The following LANCL1 variants were observed in gnomAD, a reference collection of about 807,000 sequenced individuals.
The protein encoded by LANCL1 is glutathione S-transferase LANCL1.
A neutral mutation model predicts 50.6 loss-of-function variants in LANCL1; 50 were observed. The ratio of observed to expected loss-of-function variants is 0.99; its 90% CI spans 0.79 to 1.25. LANCL1 has a LOEUF of 1.25. LANCL1 is among the 50% of genes most tolerant of loss of function. The probability of loss-of-function intolerance (pLI) is 0.00; values close to 1 mark genes in which losing one functional copy is unlikely to be tolerated. For missense variants in LANCL1, 532 were observed against 480.7 expected (o/e 1.11, Z -1.00); for synonymous variants, 188 against 178.6 (o/e 1.05, Z -0.42).
intron 3 of LANCL1, among the ~76,000 whole-genome samples, chr2:210,465,347 C>A (rs1694019773): frequency 6.6e-6 from 1 of 152,228 alleles, no homozygotes; most frequent in Non-Finnish European, 1.5e-5. Flanking sequence ...GCTGAAAGTG[C>A]TTCCACGAAG....
chr2:210,447,430 T>G (rs1034765037), intron 4 of LANCL1, among the ~76,000 whole-genome samples: 1 of 152,178 alleles, frequency 6.6e-6, no homozygotes, highest in African/African-American at 2.4e-5. Flanking sequence ...ATTGACACTA[T>G]GAAGAAACTG....
chr2:210,455,874 C>T (rs531826870), intron 3 of LANCL1, among the ~76,000 whole-genome samples: 77 of 148,350 alleles, frequency 5.2e-4, no homozygotes, highest in East Asian at 2.4e-3. Context: ...CAGTATCCTT[C>T]CAGGCAGGGA....
intron 4 of LANCL1, among the ~76,000 whole-genome samples, chr2:210,452,213 A>G (rs1693530927): frequency 6.6e-6 from 1 of 151,702 alleles, no homozygotes; most frequent in African/African-American, 2.4e-5. Context: ...AAATATTTTT[A>G]AATCCCTTTT....
At chr2:210,465,456 T>C (rs2105920896) in intron 3 of LANCL1, among the ~76,000 whole-genome samples, 1 of 152,298 alleles carries the variant, frequency 6.6e-6, no homozygotes, top group Admixed American at 6.5e-5. Flanking sequence ...CATTTTAAGA[T>C]AAATGAATCC....
chr2:210,470,696 A>T (rs183230862), intron 3 of LANCL1, among the ~76,000 whole-genome samples: 1 of 152,314 alleles, frequency 6.6e-6, no homozygotes, highest in African/African-American at 2.4e-5. Flanking sequence ...AAGACTAATA[A>T]GAGATTGCTA....
chr2:210,451,671 G>T (rs1239543288), intron 4 of LANCL1, among the ~76,000 whole-genome samples: 1 of 152,116 alleles, frequency 6.6e-6, no homozygotes, highest in Non-Finnish European at 1.5e-5. Context: ...ATTTACCCAA[G>T]ATCACACAGT....
intron 3 of LANCL1, among the ~76,000 whole-genome samples, chr2:210,461,477 G>C (rs1481435626): frequency 6.6e-6 from 1 of 152,128 alleles, no homozygotes; most frequent in Non-Finnish European, 1.5e-5. Context: ...GGTGTCAGCA[G>C]TAACTAATAC....
intron 3 of LANCL1, among the ~76,000 whole-genome samples, chr2:210,456,318 T>C (rs1035067658): frequency 2.0e-5 from 3 of 152,232 alleles, no homozygotes; most frequent in Non-Finnish European, 2.9e-5. Flanking sequence ...AAATGCTGTC[T>C]GCAAAATTAC....
At position 210,441,553 on chromosome 2, in the gene LANCL1, T is replaced by TACA. The variant is rs563455838; in HGVS notation, c.408-113_408-111dup. 1.1e-4 allele frequency: 91 copies of TACA among 812,682 alleles called. 1 individual carries two copies. In the South Asian group the frequency reaches 1.9e-3, roughly 17 times the overall value. 50.3% of individuals were successfully genotyped at this position (812,682 alleles called of 1,614,324 possible). A position where few individuals can be genotyped will look rare whatever the true frequency, so the allele number is the denominator to read the frequency against. ...TACATGCACACAAAATATGTATTTA[T>TACA]ACATATATAATATCTATTTATAGAA... On this transcript the variant is annotated intron_variant, in intron 4 of 9. Transcript: ENST00000450366.
At position 210,476,744 on chromosome 2, in the gene LANCL1, G is replaced by A. The variant is rs1477630956; in HGVS notation, c.-141C>T. 1.9e-6 allele frequency: 2 copies of A among 1,064,606 alleles called. No individual in the cohort carries two copies. The highest frequency in any genetic ancestry group is 1.7e-5 in the African/African-American group (1 of 60,068). The allele number at this position is 1,064,606 out of a possible 1,614,324, so 65.9% of individuals were successfully genotyped here. ...CACCCCGCAGCCCCGGACAGTAACA[G>A]AAGGGCTATTTTACCGCCCAGTTCC... On this transcript the variant is annotated 5_prime_UTR_variant, in exon 1 of 10. Transcript: ENST00000450366.
chr2:210,473,935 G>A (rs1181087012), intron 2 of LANCL1, among the ~76,000 whole-genome samples: 1 of 152,188 alleles, frequency 6.6e-6, no homozygotes, highest in Non-Finnish European at 1.5e-5. Context: ...CTAGATAGAA[G>A]AGTGCATCTA....
At chr2:210,435,893 C>CTTTTTTTTTTTTT (rs71043994) in intron 8 of LANCL1, among the ~76,000 whole-genome samples, 1 of 64,228 alleles carries the variant, frequency 1.6e-5, no homozygotes, top group Non-Finnish European at 2.7e-5. Flanking sequence ...GGGAGACCTG[C>CTTTTTTTTTTTTT]TTTTTTTTTT....
chr2:210,444,802 T>C (rs1478638168), intron 4 of LANCL1, among the ~76,000 whole-genome samples: 1 of 152,276 alleles, frequency 6.6e-6, no homozygotes, highest in African/African-American at 2.4e-5. Flanking sequence ...ATAGGGCTTA[T>C]GGATAGAATT....
At chr2:210,472,193 G>T in intron 2 of LANCL1, 117 bp from the exon 3 acceptor site, 1 of 645,644 alleles carries the variant, frequency 1.5e-6, no homozygotes, top group Non-Finnish European at 2.7e-6. Flanking sequence ...TTTTCCACCT[G>T]GAAGACTAAA....
rs1196778012 is a variant in LANCL1 at position 210,440,509 on chromosome 2, A to G, written c.690+89T>C. 5 of 1,285,118 alleles carry G rather than the reference A, an allele frequency of 3.9e-6. No homozygotes were observed. The Admixed American group carries it at 1.2e-4, about 31-fold the overall frequency. The allele number at this position is 1,285,118 out of a possible 1,614,324, so 79.6% of individuals were successfully genotyped here. On this transcript the variant is annotated intron_variant, in intron 6 of 9. Coordinates refer to ENST00000450366, the MANE Select transcript of LANCL1 (RefSeq NM_006055.3). ...GTAATGCAGTGGTTGACAGAATGACAAACTAGAACTAGAATATCTGTTTTC... is the reference window on the plus strand; with the variant it reads ...GTAATGCAGTGGTTGACAGAATGACGAACTAGAACTAGAATATCTGTTTTC...
In LANCL1 at chr2:210,471,709, A is replaced by G; in HGVS notation, c.199+250T>C. On this transcript the variant is annotated intron_variant, in intron 3 of 9. Coordinates refer to ENST00000450366, the MANE Select transcript of LANCL1 (RefSeq NM_006055.3). ...AATCAATTTTTCTCCTCACAAGTAT[A>G]GCAGCCATCCAAATGTCAGGCATGA... The G allele has an allele frequency of 4.3e-6, 3 of 698,104 alleles. No individual in the cohort carries two copies. The Admixed American group carries it at 5.6e-5, about 13-fold the overall frequency. 43.2% of individuals were successfully genotyped at this position (698,104 alleles called of 1,614,324 possible). A position where few individuals can be genotyped will look rare whatever the true frequency, so the allele number is the denominator to read the frequency against.
At chr2:210,439,683 A>C (rs1374432640) in intron 6 of LANCL1, among the ~76,000 whole-genome samples, 2 of 152,142 alleles carry the variant, frequency 1.3e-5, no homozygotes, top group Non-Finnish European at 2.9e-5. Context: ...AAATAATAAT[A>C]ATCTTGAGTT....
chr2:210,438,260 AAGT>A (rs1693008375), intron 6 of LANCL1, among the ~76,000 whole-genome samples: 1 of 148,806 alleles, frequency 6.7e-6, no homozygotes, highest in Non-Finnish European at 1.5e-5. Context: ...TCAGCCTCCC[AAGT>A]ACTTGGGATT....
At chr2:210,452,405 G>C (rs1046122294) in intron 4 of LANCL1, among the ~76,000 whole-genome samples, 1 of 152,090 alleles carries the variant, frequency 6.6e-6, no homozygotes, top group African/African-American at 2.4e-5. Context: ...TATTCATGTT[G>C]TGGCACTGAT....
Sources: gnomAD v4.1 joint callset for allele counts (sites outside exome capture counted in the v4.1 genomes callset) on GRCh38, gnomAD v4.1.1 for gene constraint, MANE v1.5 for transcripts, NCBI Gene and HGNC (gene_info 2026-07-23, HGNC 2026-07-21) for gene names.